SLC16A9: variants seen among roughly 807,000 people sequenced by gnomAD.
SLC16A9 encodes monocarboxylate transporter 9.
In SLC16A9, 26 loss-of-function variants were observed where a neutral mutation model predicts 44.3. That is an observed-to-expected ratio of 0.59 (90% confidence interval 0.43 to 0.81). The LOEUF is 0.81. Among genes scored for constraint, SLC16A9 ranks in the 40% least tolerant of loss-of-function variants. The pLI, the probability that SLC16A9 is intolerant of heterozygous loss-of-function variation, is 0.00. For missense variants in SLC16A9, 559 were observed against 595.8 expected (o/e 0.94, Z 0.64); for synonymous variants, 230 against 225.1 (o/e 1.02, Z -0.19).
intron 1 of SLC16A9, among the ~76,000 whole-genome samples, chr10:59,702,594 T>A (rs1840548967): frequency 6.6e-6 from 1 of 152,220 alleles, no homozygotes. Context: ...CAACATCTGC[T>A]CTGAACTTTA....
chr10:59,666,633 T>C (rs1213411447), intron 3 of SLC16A9, among the ~76,000 whole-genome samples: 2 of 152,198 alleles, frequency 1.3e-5, no homozygotes, highest in Non-Finnish European at 2.9e-5. Flanking sequence ...ACATTTGTTT[T>C]CAATGCTTCA....
chr10:59,662,197 C>G (rs1839490729), intron 4 of SLC16A9, among the ~76,000 whole-genome samples: 1 of 151,678 alleles, frequency 6.6e-6, no homozygotes, highest in Admixed American at 6.6e-5. Flanking sequence ...AGTGAACAGG[C>G]AACCTACAGA....
rs1176189605 is a variant in SLC16A9 at position 59,653,677 on chromosome 10, A to G, written c.1349T>C (p.Val450Ala). The G allele has an allele frequency of 6.2e-7, 1 of 1,607,276 alleles. No homozygotes were observed. The highest frequency in any genetic ancestry group is 1.3e-5 in the African/African-American group (1 of 74,708). ...GLGNSLGPPI[V>A]GWFYDWTQTY... ...TGATTTTAAGATAAATATCTTACCAACGATGGGTGGTCCTAGGCTATTTCC... is the reference window on the plus strand; with the variant it reads ...TGATTTTAAGATAAATATCTTACCAGCGATGGGTGGTCCTAGGCTATTTCC... The change falls in exon 5 of 6, where the codon GTT (valine) becomes GCT (alanine). Residue 450 changes from valine to alanine, a missense_variant and splice_region_variant. Transcript: ENST00000395348.
chr10:59,709,507 G>A lies in SLC16A9; in HGVS notation c.-65C>T, dbSNP rs1429605035. 1.3e-5 allele frequency: 2 copies of A among 152,320 alleles called. No homozygotes were observed. Among genetic ancestry groups the A allele is most frequent in the Admixed American group, 1.3e-4 (2 of 15,294 alleles). 9.4% of individuals were successfully genotyped at this position (152,320 alleles called of 1,614,324 possible). A position where few individuals can be genotyped will look rare whatever the true frequency, so the allele number is the denominator to read the frequency against. On this transcript the variant is annotated 5_prime_UTR_variant, in exon 1 of 6. Transcript: ENST00000395348. ...AGTCCCGGCCTCGGCGGGGCCTCCG[G>A]TGCTCAGCACCCGGCTCAGTGCCCC...
At chr10:59,653,438 A>AAAAAAAAAAAAAAAAAAC in intron 5 of SLC16A9, among the ~76,000 whole-genome samples, 1 of 149,774 alleles carries the variant, frequency 6.7e-6, no homozygotes. Context: ...AAAAAAAAAA[A>AAAAAAAAAAAAAAAAAAC]AAAAAAAGCA....
At chr10:59,682,061 C>T (rs1165189860) in intron 2 of SLC16A9, among the ~76,000 whole-genome samples, 1 of 151,972 alleles carries the variant, frequency 6.6e-6, no homozygotes, top group Non-Finnish European at 1.5e-5. Context: ...GGTTAAGTGA[C>T]TTGCATAAGG....
intron 4 of SLC16A9, among the ~76,000 whole-genome samples, chr10:59,657,408 G>A (rs539887047): frequency 2.4e-4 from 37 of 152,124 alleles, no homozygotes; most frequent in Non-Finnish European, 4.3e-4. Flanking sequence ...GTTTTGATGC[G>A]GGGTTTCTTT....
chr10:59,705,492 C>T (rs563819736), intron 1 of SLC16A9, among the ~76,000 whole-genome samples: 1 of 152,150 alleles, frequency 6.6e-6, no homozygotes, highest in South Asian at 2.1e-4. Context: ...CTATGTGGCT[C>T]CCTTGACATA....
chr10:59,668,439 A>T (rs1428725949), intron 3 of SLC16A9, among the ~76,000 whole-genome samples: 1 of 152,202 alleles, frequency 6.6e-6, no homozygotes, highest in Non-Finnish European at 1.5e-5. Flanking sequence ...TAGCGCAAGC[A>T]TAAATTAAGC....
At position 59,664,247 on chromosome 10, in the gene SLC16A9, G is replaced by T. The variant is rs753178447; in HGVS notation, c.416C>A (p.Ala139Glu). ...TATACCTGTTGAAATCAGGCCAAGC[G>T]CTAGGCCTCGGCGATCGTCAAAATA... ...CQYFDDRRGL[A>E]LGLISTGSSV... is the part of the protein sequence containing the mutation. Residue 139 changes from alanine to glutamate, a missense_variant, in exon 4 of 6, where the codon GCG (alanine) becomes GAG (glutamate). Coordinates refer to ENST00000395348, the MANE Select transcript of SLC16A9 (RefSeq NM_194298.3). 3 of 1,611,212 alleles carry T rather than the reference G, an allele frequency of 1.9e-6. No individual in the cohort carries two copies. The highest frequency in any genetic ancestry group is 2.5e-6 in the Non-Finnish European group (3 of 1,178,214).
chr10:59,676,087 G>T (rs1839852668), intron 2 of SLC16A9, among the ~76,000 whole-genome samples: 1 of 152,136 alleles, frequency 6.6e-6, no homozygotes, highest in Non-Finnish European at 1.5e-5. Flanking sequence ...CACTGGTAAT[G>T]GTACTTTTGT....
chr10:59,702,839 T>C (rs1462655510), intron 1 of SLC16A9, among the ~76,000 whole-genome samples: 1 of 152,210 alleles, frequency 6.6e-6, no homozygotes, highest in Non-Finnish European at 1.5e-5. Context: ...ATCCATCTAG[T>C]TGAAATTCAA....
intron 4 of SLC16A9, among the ~76,000 whole-genome samples, chr10:59,662,988 T>C (rs2132422962): frequency 6.6e-6 from 1 of 152,310 alleles, no homozygotes; most frequent in Non-Finnish European, 1.5e-5. Context: ...CATGTATGTT[T>C]ATTGAAGCAC....
chr10:59,685,699 A>G (rs1412365811), intron 1 of SLC16A9, among the ~76,000 whole-genome samples: 2 of 152,214 alleles, frequency 1.3e-5, no homozygotes, highest in African/African-American at 4.8e-5. Context: ...TTACATATTC[A>G]TATATCTTTT....
At chr10:59,709,214 C>A (rs1475741744) in intron 1 of SLC16A9, among the ~76,000 whole-genome samples, 2 of 152,142 alleles carry the variant, frequency 1.3e-5, no homozygotes, top group Non-Finnish European at 2.9e-5. Flanking sequence ...TCTCTTTCAA[C>A]TCCGTACAAA....
At position 59,709,702 on chromosome 10, in the gene SLC16A9, C is replaced by G. The variant is rs1228188845; in HGVS notation, c.-260G>C. Reference sequence around the variant, plus strand: ...CCCGGGAGCCGCCGCCCTCTGCCCCCACAGACCCGCAGCGGCGGCGGCCAC... The same window carrying G: ...CCCGGGAGCCGCCGCCCTCTGCCCCGACAGACCCGCAGCGGCGGCGGCCAC... On this transcript the variant is annotated 5_prime_UTR_variant, in exon 1 of 6. Transcript: ENST00000395348. 1 of 152,338 alleles carries G rather than the reference C, an allele frequency of 6.6e-6. No homozygotes were observed. Among genetic ancestry groups the G allele is most frequent in the Non-Finnish European group, 1.5e-5 (1 of 68,248 alleles). The allele number at this position is 152,338 out of a possible 1,614,324, so 9.4% of individuals were successfully genotyped here. A position where few individuals can be genotyped will look rare whatever the true frequency, so the allele number is the denominator to read the frequency against.
Position 59,654,574 on chromosome 10 carries a change from A to G in SLC16A9, c.452T>C (p.Leu151Pro). The change falls in exon 5 of 6, where the codon CTT (leucine) becomes CCT (proline). Residue 151 changes from leucine to proline, a missense_variant. Coordinates refer to ENST00000395348, the MANE Select transcript of SLC16A9 (RefSeq NM_194298.3). ...GLISTGSSVG[L>P]FIYAALQRML... The stretch of plus-strand genomic sequence containing the variant: ...CCTCTGCAGAGCAGCATATATGAAA[A>G]GGCCAACGCTTGAACCTAAAAAGGG... 1 of 1,582,094 alleles carries G rather than the reference A, an allele frequency of 6.3e-7. No individual in the cohort carries two copies.
chr10:59,660,070 C>T (rs1039264348), intron 4 of SLC16A9, among the ~76,000 whole-genome samples: 2 of 152,080 alleles, frequency 1.3e-5, no homozygotes, highest in Non-Finnish European at 1.5e-5. Flanking sequence ...AATCAACATC[C>T]TAACATCTCA....
At chr10:59,675,162 T>C (rs2132459687) in intron 2 of SLC16A9, among the ~76,000 whole-genome samples, 1 of 152,258 alleles carries the variant, frequency 6.6e-6, no homozygotes, top group Non-Finnish European at 1.5e-5. Context: ...AGAGCTGAAA[T>C]TTTGGAAGTT....
Sources: allele counts gnomAD v4.1 joint callset (sites outside exome capture counted in the v4.1 genomes callset), GRCh38; gene constraint gnomAD v4.1.1; transcripts MANE v1.5; gene names NCBI Gene and HGNC (gene_info 2026-07-23, HGNC 2026-07-21).